CNTNAP5: variants seen among roughly 807,000 people sequenced by gnomAD.
The protein encoded by CNTNAP5 is contactin-associated protein-like 5.
Under a neutral mutation model 150.2 loss-of-function variants are expected in CNTNAP5, and 72 were observed. The observed-to-expected ratio is 0.48, with a 90% CI of 0.40 to 0.58. CNTNAP5 has a LOEUF of 0.58. Ranked by LOEUF, CNTNAP5 falls within the 20% of genes least tolerant of loss-of-function variation. The pLI is 0.00. For synonymous variants in CNTNAP5, 672 were observed against 619.8 expected (o/e 1.08, Z -1.25); for missense variants, 1,636 against 1,626.2 (o/e 1.01, Z -0.10).
chr2:124,165,333 G>A (rs534784934), intron 1 of CNTNAP5, among the ~76,000 whole-genome samples: 1 of 152,096 alleles, frequency 6.6e-6, no homozygotes, highest in Non-Finnish European at 1.5e-5. Context: ...CATTTCACAC[G>A]ATTGTTTTGA....
intron 11 of CNTNAP5, among the ~76,000 whole-genome samples, chr2:124,589,708 C>T (rs1425380099): frequency 6.6e-6 from 1 of 152,128 alleles, no homozygotes; most frequent in Non-Finnish European, 1.5e-5. Flanking sequence ...AAATTGATGT[C>T]GGTATACTAT....
intron 18 of CNTNAP5, among the ~76,000 whole-genome samples, chr2:124,793,214 G>T (rs1463252751): frequency 6.6e-6 from 1 of 152,064 alleles, no homozygotes; most frequent in African/African-American, 2.4e-5. Flanking sequence ...CTGATTTTTT[G>T]ATGATAGACA....
At chr2:124,631,967 C>T (rs933017232) in intron 12 of CNTNAP5, among the ~76,000 whole-genome samples, 9 of 152,152 alleles carry the variant, frequency 5.9e-5, no homozygotes, top group African/African-American at 1.9e-4. Flanking sequence ...AAATAAAGCT[C>T]AACATCACTG....
rs146390348 is a variant in CNTNAP5 at position 124,902,405 on chromosome 2, C to T, written c.3437-477C>T. Among the ~76,000 whole-genome samples the T allele has an allele frequency of 2.4e-4, 36 of 152,272 alleles. 1 individual carries two copies. In the East Asian group the frequency reaches 6.4e-3, roughly 27 times the overall value. Reference sequence around the variant, plus strand: ...TTTACACAATAAATCTTTGGAAGGACAACATTGACTTCTAATCCCTCTACC... The same window carrying T: ...TTTACACAATAAATCTTTGGAAGGATAACATTGACTTCTAATCCCTCTACC... On this transcript the variant is annotated intron_variant, in intron 21 of 23. Transcript: ENST00000682447.
intron 1 of CNTNAP5, among the ~76,000 whole-genome samples, chr2:124,198,786 A>G (rs1685650679): frequency 6.6e-6 from 1 of 151,514 alleles, no homozygotes; most frequent in Non-Finnish European, 1.5e-5. Flanking sequence ...TCCCTTTTAC[A>G]ATTAAACCTT....
chr2:124,419,798 A>G (rs948130699), intron 4 of CNTNAP5, among the ~76,000 whole-genome samples: 4 of 152,166 alleles, frequency 2.6e-5, no homozygotes, highest in African/African-American at 7.2e-5. Context: ...AAAAACGAAT[A>G]CATTTCTCAG....
intron 1 of CNTNAP5, among the ~76,000 whole-genome samples, chr2:124,214,569 G>A (rs953189566): frequency 4.1e-4 from 62 of 152,146 alleles, no homozygotes; most frequent in Non-Finnish European, 2.9e-5. Flanking sequence ...ACAATAACCC[G>A]TGCCGTTATA....
At chr2:124,140,430 A>T (rs113308441) in intron 1 of CNTNAP5, among the ~76,000 whole-genome samples, 1 of 134,702 alleles carries the variant, frequency 7.4e-6, no homozygotes, top group Non-Finnish European at 1.6e-5. Context: ...CCCAGCACGC[A>T]GCTGGAGATC....
chr2:124,808,834 A>T (rs964592961), intron 19 of CNTNAP5, among the ~76,000 whole-genome samples: 1 of 152,106 alleles, frequency 6.6e-6, no homozygotes, highest in Admixed American at 6.5e-5. Flanking sequence ...TTTAGCATAT[A>T]GAAGTTGAAC....
At chr2:124,465,882 G>T (rs867078692) in intron 6 of CNTNAP5, among the ~76,000 whole-genome samples, 2 of 152,106 alleles carry the variant, frequency 1.3e-5, no homozygotes, top group South Asian at 2.1e-4. Flanking sequence ...TCAAGGTAAT[G>T]GATCTAGGAG....
intron 3 of CNTNAP5, among the ~76,000 whole-genome samples, chr2:124,350,465 TA>T (rs1171763269): frequency 2.0e-5 from 3 of 150,342 alleles, no homozygotes; most frequent in African/African-American, 7.3e-5. Context: ...TTTTTTTTTT[TA>T]ATCCTTCATT....
chr2:124,436,226 T>C (rs189213549), intron 5 of CNTNAP5, among the ~76,000 whole-genome samples: 2 of 152,316 alleles, frequency 1.3e-5, no homozygotes, highest in Non-Finnish European at 2.9e-5. Context: ...TTTCAGTTAC[T>C]ACTATTTAGA....
At chr2:124,234,710 C>A (rs1451556655) in intron 2 of CNTNAP5, among the ~76,000 whole-genome samples, 1 of 152,166 alleles carries the variant, frequency 6.6e-6, no homozygotes, top group African/African-American at 2.4e-5. Context: ...AACTTCTGAA[C>A]TATGAAACAG....
chr2:124,226,293 A>G (rs1686458060), intron 2 of CNTNAP5, among the ~76,000 whole-genome samples: 1 of 152,038 alleles, frequency 6.6e-6, no homozygotes, highest in African/African-American at 2.4e-5. Context: ...ATAAAGAGCC[A>G]TCCTAACGGG....
chr2:124,457,560 T>G (rs1405927046), intron 6 of CNTNAP5, among the ~76,000 whole-genome samples: 4 of 152,162 alleles, frequency 2.6e-5, no homozygotes, highest in Non-Finnish European at 5.9e-5. Context: ...ACTTTTATGT[T>G]AAGTTCCAGG....
chr2:124,569,065 A>G (rs973250726), intron 11 of CNTNAP5, among the ~76,000 whole-genome samples: 2 of 152,028 alleles, frequency 1.3e-5, no homozygotes, highest in Non-Finnish European at 2.9e-5. Context: ...AAAAATATAT[A>G]TATATATCTT....
intron 19 of CNTNAP5, among the ~76,000 whole-genome samples, chr2:124,843,693 A>G (rs926674099): frequency 2.0e-5 from 3 of 151,932 alleles, no homozygotes; most frequent in Non-Finnish European, 4.4e-5. Context: ...TGTTTTGATT[A>G]TGGCTATTGC....
At chr2:124,585,368 T>C (rs1193643841) in intron 11 of CNTNAP5, among the ~76,000 whole-genome samples, 1 of 152,216 alleles carries the variant, frequency 6.6e-6, no homozygotes, top group Non-Finnish European at 1.5e-5. Context: ...GAAGCTTGCA[T>C]ACTATCCTGG....
intron 11 of CNTNAP5, among the ~76,000 whole-genome samples, chr2:124,607,015 T>C (rs1174600158): frequency 1.3e-5 from 2 of 152,228 alleles, no homozygotes; most frequent in Admixed American, 1.3e-4. Context: ...ACTTTCTATG[T>C]GCCATATGTG....
Sources: allele counts gnomAD v4.1 joint callset (sites outside exome capture counted in the v4.1 genomes callset), GRCh38; gene constraint gnomAD v4.1.1; transcripts MANE v1.5; gene names NCBI Gene and HGNC (gene_info 2026-07-23, HGNC 2026-07-21).